Variants in PDSS2 observed in about 807,000 individuals in gnomAD.
The protein encoded by PDSS2 is all trans-polyprenyl-diphosphate synthase PDSS2.
A neutral mutation model predicts 44.5 loss-of-function variants in PDSS2; 31 were observed. The observed-to-expected ratio is 0.70, with a 90% CI of 0.52 to 0.94. PDSS2 has a LOEUF of 0.94. Among genes scored for constraint, PDSS2 ranks in the 40% least tolerant of loss-of-function variants. The probability of loss-of-function intolerance (pLI) is 0.00; values close to 1 mark genes in which losing one functional copy is unlikely to be tolerated. For synonymous variants in PDSS2, 157 were observed against 180.3 expected (o/e 0.87, Z 1.03); for missense variants, 452 against 482.2 (o/e 0.94, Z 0.59).
intron 1 of PDSS2, among the ~76,000 whole-genome samples, chr6:107,361,820 T>A (rs1253488624): frequency 6.6e-6 from 1 of 152,220 alleles, no homozygotes; most frequent in African/African-American, 2.4e-5. Context: ...TCATTAGAAC[T>A]GCTGAACTTC....
rs546811497 is a variant in PDSS2, at chr6:107,401,043, C to T, written c.296+57947G>A. 2.6e-5 allele frequency among the ~76,000 whole-genome samples: 4 copies of T among 152,314 alleles called. No homozygotes were observed. The East Asian group carries it at 7.7e-4, about 29-fold the overall frequency. On this transcript the variant is annotated intron_variant, in intron 1 of 7. Coordinates refer to ENST00000369037, the MANE Select transcript of PDSS2 (RefSeq NM_020381.4). ...ACATCCAAGTACTTCTCCTGGTTAA[C>T]AAAGGTCAAGTATAAACACTACTGC...
chr6:107,247,933 T>C (rs6568480), intron 3 of PDSS2, among the ~76,000 whole-genome samples: 114,935 of 150,958 alleles, frequency 0.76, 45,170 homozygotes, highest in East Asian at 1. Context: ...GCAGGAGAAT[T>C]GCTTGAACCC....
Position 107,210,522 on chromosome 6 carries a change from T to C in PDSS2, c.925A>G (p.Met309Val), listed in dbSNP as rs1266854741. The change falls in exon 6 of 8, where the codon ATG (methionine) becomes GTG (valine). Residue 309 changes from methionine to valine, a missense_variant. Transcript: ENST00000369037. ...GGAGCTGAGTTTAGATTAAAAGTCA[T>C]GGAGTCACTGGTCTTTTCTTTAATA... ...PFIKEKTSDSMTFNLNSAPVV... is the reference protein window; with the variant it reads ...PFIKEKTSDSVTFNLNSAPVV... The C allele has an allele frequency of 6.2e-7, 1 of 1,602,132 alleles. No homozygotes were observed. The highest frequency in any genetic ancestry group is 2.2e-5 in the East Asian group (1 of 44,742).
chr6:107,234,739 A>T (rs1488936015), intron 4 of PDSS2, among the ~76,000 whole-genome samples: 1 of 152,180 alleles, frequency 6.6e-6, no homozygotes, highest in East Asian at 1.9e-4. Flanking sequence ...GATGCAAAAC[A>T]TTGGTGTCAT....
chr6:107,296,437 T>C (rs6938917), intron 2 of PDSS2, among the ~76,000 whole-genome samples: 26,038 of 152,180 alleles, frequency 0.17, 2,432 homozygotes, highest in South Asian at 0.2. Flanking sequence ...TTGAAAACAC[T>C]GGACTCAATG....
chr6:107,264,163 A>G (rs1206221979), intron 3 of PDSS2: 5 of 808,824 alleles, frequency 6.2e-6, no homozygotes, highest in South Asian at 1.2e-4. Flanking sequence ...TAAAATTACT[A>G]TAACAGATAA....
chr6:107,398,185 T>C (rs1018036010), intron 1 of PDSS2, among the ~76,000 whole-genome samples: 4 of 152,336 alleles, frequency 2.6e-5, no homozygotes, highest in Admixed American at 2.0e-4. Context: ...TGCTTATCTG[T>C]GGGAGGCTCC....
At chr6:107,440,014 G>A (rs1177285178) in intron 1 of PDSS2, among the ~76,000 whole-genome samples, 2 of 152,078 alleles carry the variant, frequency 1.3e-5, no homozygotes, top group Non-Finnish European at 2.9e-5. Context: ...TTGGCTAAAT[G>A]TTAGTGTTTT....
At position 107,453,539 on chromosome 6, in the gene PDSS2, A is replaced by G. The variant is rs117241756; in HGVS notation, c.296+5451T>C. Among the ~76,000 whole-genome samples the G allele has an allele frequency of 4.2e-4, 63 of 151,352 alleles. No individual in the cohort carries two copies. The East Asian group carries it at 0.011, about 27-fold the overall frequency. On this transcript the variant is annotated intron_variant, in intron 1 of 7. Transcript: ENST00000369037. ...CAGTTGGGCATATTTGTGTTAATCT[A>G]TTTCTGGGTTCTCTATTCTGTTCCA...
chr6:107,228,510 G>A (rs9486566), intron 4 of PDSS2, among the ~76,000 whole-genome samples: 1,654 of 151,940 alleles, frequency 0.011, 34 homozygotes, highest in African/African-American at 0.037. Flanking sequence ...CCTGGCCAAC[G>A]TGGTGAAACC....
chr6:107,401,300 G>A (rs1358391755), intron 1 of PDSS2, among the ~76,000 whole-genome samples: 2 of 152,146 alleles, frequency 1.3e-5, no homozygotes, highest in Non-Finnish European at 2.9e-5. Context: ...GAAAGCTGCT[G>A]CATTAAGGCT....
At chr6:107,187,212 G>A (rs1259608922) in intron 7 of PDSS2, among the ~76,000 whole-genome samples, 2 of 152,130 alleles carry the variant, frequency 1.3e-5, no homozygotes, top group East Asian at 1.9e-4. Context: ...TGACAGGTCT[G>A]GATTAACTAC....
chr6:107,428,582 C>T (rs1781075860), intron 1 of PDSS2, among the ~76,000 whole-genome samples: 1 of 152,138 alleles, frequency 6.6e-6, no homozygotes, highest in South Asian at 2.1e-4. Flanking sequence ...AATCCCAGCA[C>T]TTTGGGAAGC....
intron 1 of PDSS2, among the ~76,000 whole-genome samples, chr6:107,441,528 A>G (rs1048587084): frequency 5.3e-5 from 8 of 152,218 alleles, no homozygotes; most frequent in South Asian, 2.1e-4. Context: ...AGGTTGAAGA[A>G]TGTAAGAATT....
At chr6:107,297,066 G>A (rs1052453069) in intron 2 of PDSS2, among the ~76,000 whole-genome samples, 1 of 152,126 alleles carries the variant, frequency 6.6e-6, no homozygotes, top group Non-Finnish European at 1.5e-5. Context: ...ATCTGGGAAG[G>A]GAATTAACAG....
intron 3 of PDSS2, among the ~76,000 whole-genome samples, chr6:107,252,698 G>A (rs565086789): frequency 1.3e-5 from 2 of 152,304 alleles, no homozygotes; most frequent in African/African-American, 4.8e-5. Flanking sequence ...AGAGGCCGAG[G>A]TGGGAGGATC....
intron 1 of PDSS2, among the ~76,000 whole-genome samples, chr6:107,403,898 C>T (rs1442848024): frequency 6.6e-6 from 1 of 152,192 alleles, no homozygotes; most frequent in African/African-American, 2.4e-5. Context: ...GAGCCATTTT[C>T]CCCATTGTTT....
intron 1 of PDSS2, among the ~76,000 whole-genome samples, chr6:107,447,928 A>G (rs144040300): frequency 5.3e-5 from 8 of 152,248 alleles, no homozygotes; most frequent in African/African-American, 1.7e-4. Flanking sequence ...AACCTCAATT[A>G]TTGTCTTCTA....
intron 3 of PDSS2, among the ~76,000 whole-genome samples, chr6:107,248,470 C>A: frequency 6.8e-6 from 1 of 147,798 alleles, no homozygotes. Flanking sequence ...GTTCAAAGAG[C>A]CTCAATGTGA....
Sources: allele counts gnomAD v4.1 joint callset (sites outside exome capture counted in the v4.1 genomes callset), GRCh38; gene constraint gnomAD v4.1.1; transcripts MANE v1.5; gene names NCBI Gene and HGNC (gene_info 2026-07-23, HGNC 2026-07-21).